CCDC88C: variants seen among roughly 807,000 people sequenced by gnomAD.
The protein encoded by CCDC88C is protein Daple.
A neutral mutation model predicts 198.8 loss-of-function variants in CCDC88C; 131 were observed. The observed-to-expected ratio is 0.66, with a 90% CI of 0.57 to 0.76. The LOEUF (loss-of-function observed/expected upper bound fraction) is 0.76, where lower values mean the gene tolerates loss of function less well. CCDC88C is among the 30% of genes least tolerant of loss of function. The pLI is 0.00. For synonymous variants in CCDC88C, 1,166 were observed against 1,114.7 expected, an observed-to-expected ratio of 1.05 and a Z score of -0.92; for missense variants, 2,553 against 2,631.6, an observed-to-expected ratio of 0.97 and a Z score of 0.65.
At chr14:91,336,389 G>A (rs970493542) in intron 10 of CCDC88C, among the ~76,000 whole-genome samples, 1 of 152,220 alleles carries the variant, frequency 6.6e-6, no homozygotes, top group Non-Finnish European at 1.5e-5. Context: ...AAATCAGGGT[G>A]CAGGGTGAGA....
chr14:91,363,237 T>G (rs1368075250), intron 3 of CCDC88C, among the ~76,000 whole-genome samples: 2 of 151,974 alleles, frequency 1.3e-5, no homozygotes, highest in African/African-American at 4.8e-5. Context: ...AACCAAAATA[T>G]AATCATTTCA....
intron 2 of CCDC88C, among the ~76,000 whole-genome samples, chr14:91,415,352 T>TC (rs1442373050): frequency 6.6e-6 from 1 of 150,906 alleles, no homozygotes. Flanking sequence ...TGACTTTTTT[T>TC]CCTACACCCA....
At chr14:91,389,959 C>T (rs1413536668) in intron 3 of CCDC88C, among the ~76,000 whole-genome samples, 7 of 151,918 alleles carry the variant, frequency 4.6e-5, no homozygotes, top group Non-Finnish European at 1.5e-5. Flanking sequence ...GTAGTCCCAG[C>T]TCCTCGGGAG....
chr14:91,325,864 C>G lies in CCDC88C; in HGVS notation c.1197+46G>C. ...GATTACAGGCATGAGCCACTGTGCC[C>G]GAGCCCAATCTGTTTTCAATGTAGT... On this transcript the variant is annotated intron_variant, in intron 11 of 29. Coordinates refer to ENST00000389857, the MANE Select transcript of CCDC88C (RefSeq NM_001080414.4). The surrounding 1 kb of genome is among the most constrained non-coding windows in gnomAD (Gnocchi z 4.1). 1 of 1,532,296 alleles carries G rather than the reference C, an allele frequency of 6.5e-7. No individual in the cohort carries two copies. Among genetic ancestry groups the G allele is most frequent in the Non-Finnish European group, 8.8e-7 (1 of 1,133,116 alleles). The allele number at this position is 1,532,296 out of a possible 1,614,324, so 94.9% of individuals were successfully genotyped here.
chr14:91,274,130 T>C (rs889364129), intron 29 of CCDC88C, among the ~76,000 whole-genome samples: 76 of 141,270 alleles, frequency 5.4e-4, no homozygotes, highest in African/African-American at 2.0e-3. Flanking sequence ...GAGCAGCTCT[T>C]GAAACGCCGG....
intron 2 of CCDC88C, among the ~76,000 whole-genome samples, chr14:91,416,120 T>C (rs1887033591): frequency 6.6e-6 from 1 of 152,196 alleles, no homozygotes; most frequent in Non-Finnish European, 1.5e-5. Context: ...TGTGGTCAGA[T>C]GTACTCGCTG....
At chr14:91,350,082 T>C (rs1382367797) in intron 4 of CCDC88C, among the ~76,000 whole-genome samples, 1 of 152,116 alleles carries the variant, frequency 6.6e-6, no homozygotes, top group Non-Finnish European at 1.5e-5. Context: ...CTTCCTTCCA[T>C]GACTGGTACA....
chr14:91,354,298 T>G (rs1893945100), intron 4 of CCDC88C, among the ~76,000 whole-genome samples: 1 of 152,228 alleles, frequency 6.6e-6, no homozygotes, highest in African/African-American at 2.4e-5. Flanking sequence ...AATCTAGTCT[T>G]TTCTTGTGCG....
At chr14:91,410,486 T>C (rs1886740182) in intron 2 of CCDC88C, among the ~76,000 whole-genome samples, 1 of 152,196 alleles carries the variant, frequency 6.6e-6, no homozygotes, top group Admixed American at 6.5e-5. Flanking sequence ...CAAATGTTTC[T>C]GGAAGTACAG....
At chr14:91,414,709 G>A (rs182530722) in intron 2 of CCDC88C, among the ~76,000 whole-genome samples, 126 of 152,166 alleles carry the variant, frequency 8.3e-4, no homozygotes, top group African/African-American at 1.5e-3. Flanking sequence ...GCCTCCCCAC[G>A]CTCCATTCCT....
At chr14:91,293,683 C>T (rs1346473252) in intron 23 of CCDC88C, among the ~76,000 whole-genome samples, 1 of 151,804 alleles carries the variant, frequency 6.6e-6, no homozygotes, top group Non-Finnish European at 1.5e-5. Context: ...CTTCATGTAA[C>T]CCTTCACATC....
chr14:91,330,731 G>A (rs1892789150), intron 10 of CCDC88C, among the ~76,000 whole-genome samples: 1 of 152,150 alleles, frequency 6.6e-6, no homozygotes, highest in Non-Finnish European at 1.5e-5. Flanking sequence ...GGTGTGGAGG[G>A]AAAGACAATG....
chr14:91,303,126 C>CCAGTCCTCCG (rs1210455718), intron 20 of CCDC88C, among the ~76,000 whole-genome samples: 1 of 152,128 alleles, frequency 6.6e-6, no homozygotes, highest in Non-Finnish European at 1.5e-5. Flanking sequence ...CAGGGAAGTC[C>CCAGTCCTCCG]CAGTCCTCCG....
At chr14:91,377,192 G>A (rs1055326218) in intron 3 of CCDC88C, among the ~76,000 whole-genome samples, 6 of 152,234 alleles carry the variant, frequency 3.9e-5, no homozygotes, top group African/African-American at 1.2e-4. Context: ...GCCACTGAGG[G>A]CTGGCAGCAT....
In CCDC88C at chr14:91,315,693, A is replaced by C; in HGVS notation, c.1622T>G (p.Leu541Arg). Residue 541 changes from leucine (L) to arginine (R), a missense_variant, in exon 14 of 30, where the codon CTG (leucine) becomes CGG (arginine). Physicochemically the swap from Leu to Arg is moderately radical, Grantham distance 102. This residue lies in a region of CCDC88C where 1,260 missense variants were observed against 1,412.0 expected (regional missense o/e 0.89). Coordinates refer to ENST00000389857, the MANE Select transcript of CCDC88C (RefSeq NM_001080414.4). ...SEELIREKEQ[L>R]QSDMETLKAD... Reference sequence around the variant, plus strand: ...CTTCAGGGTCTCCATGTCACTCTGCAGCTGCTCCTTCTCTCTGATCAGCTC... The same window carrying C: ...CTTCAGGGTCTCCATGTCACTCTGCCGCTGCTCCTTCTCTCTGATCAGCTC... 6.2e-7 allele frequency: 1 copy of C among 1,613,902 alleles called. No individual in the cohort carries two copies. Among genetic ancestry groups the C allele is most frequent in the Non-Finnish European group, 8.5e-7 (1 of 1,179,880 alleles).
chr14:91,281,219 G>T, intron 27 of CCDC88C: 2 of 1,039,212 alleles, frequency 1.9e-6, no homozygotes, highest in Non-Finnish European at 2.8e-6. Flanking sequence ...ATGAAGAGGA[G>T]AGGTCGGTGC....
Position 91,313,570 on chromosome 14 carries a change from G to T in CCDC88C, c.2246C>A (p.Ala749Glu). ...CAGGCGCTCTGACTTCTTGCCCAGC[G>T]CCTTGAGCAGATCCACGTTCTTCCT... ...ELRKNVDLLK[A>E]LGKKSERLEL... is the part of the protein sequence containing the mutation. The change falls in exon 15 of 30, where the codon GCG (alanine) becomes GAG (glutamate). Residue 749 changes from alanine (A) to glutamate (E), a missense_variant. This residue lies in a region of CCDC88C where 1,260 missense variants were observed against 1,412.0 expected (regional missense o/e 0.89). Coordinates refer to ENST00000389857, the MANE Select transcript of CCDC88C (RefSeq NM_001080414.4). The surrounding 1 kb of genome is among the most constrained non-coding windows in gnomAD (Gnocchi z 5.2). 6.2e-7 allele frequency: 1 copy of T among 1,611,722 alleles called. No individual in the cohort carries two copies. The highest frequency in any genetic ancestry group is 1.3e-5 in the African/African-American group (1 of 75,050).
chr14:91,319,219 CA>C (rs1218510658), intron 13 of CCDC88C, among the ~76,000 whole-genome samples: 2 of 152,332 alleles, frequency 1.3e-5, no homozygotes, highest in African/African-American at 4.8e-5. Context: ...CTGGAATGAG[CA>C]AGACCTGTCG....
chr14:91,409,460 C>T, intron 2 of CCDC88C, among the ~76,000 whole-genome samples: 1 of 151,398 alleles, frequency 6.6e-6, no homozygotes, highest in South Asian at 2.1e-4. Flanking sequence ...CAGGTGTGAG[C>T]CACTGTGCCC....
Sources: gnomAD v4.1 joint callset for allele counts (sites outside exome capture counted in the v4.1 genomes callset) on GRCh38, gnomAD v4.1.1 for gene constraint, gnomAD v4.1.1 regional missense constraint, Gnocchi (gnomAD v3.1) non-coding constraint, MANE v1.5 for transcripts, NCBI Gene and HGNC (gene_info 2026-07-23, HGNC 2026-07-21) for gene names.